The following CSMD1 variants were observed in gnomAD, a reference collection of about 807,000 sequenced individuals.
CSMD1 encodes the protein CUB and sushi domain-containing protein 1.
In CSMD1, 213 loss-of-function variants were observed where a neutral mutation model predicts 417.5. The ratio of observed to expected loss-of-function variants is 0.51; its 90% CI spans 0.46 to 0.57. CSMD1 has a LOEUF of 0.57. Among genes scored for constraint, CSMD1 ranks in the 20% least tolerant of loss-of-function variants. CSMD1 has a pLI of 0.00. For missense variants in CSMD1, 6,923 were observed against 4,529.7 expected (o/e 1.53, Z -15.17); for synonymous variants, 2,862 against 1,736.8 (o/e 1.65, Z -16.11).
intron 10 of CSMD1, among the ~76,000 whole-genome samples, chr8:3,525,464 A>G (rs772906540): frequency 2.6e-5 from 4 of 152,206 alleles, no homozygotes; most frequent in Non-Finnish European, 4.4e-5. Flanking sequence ...TATAACTGAC[A>G]GCAGGACATG....
At chr8:4,392,149 G>C (rs574976342) in intron 3 of CSMD1, among the ~76,000 whole-genome samples, 1 of 152,306 alleles carries the variant, frequency 6.6e-6, no homozygotes, top group South Asian at 2.1e-4. Flanking sequence ...GCTGACCACT[G>C]AAACTGTCAT....
intron 14 of CSMD1, among the ~76,000 whole-genome samples, chr8:3,407,306 G>T (rs1313141749): frequency 6.6e-6 from 1 of 151,968 alleles, no homozygotes; most frequent in Non-Finnish European, 1.5e-5. Flanking sequence ...ATGATAGACG[G>T]AATAATGGAT....
At chr8:4,709,131 C>A (rs570684023) in intron 1 of CSMD1, among the ~76,000 whole-genome samples, 1 of 152,344 alleles carries the variant, frequency 6.6e-6, no homozygotes, top group Non-Finnish European at 1.5e-5. Context: ...ACTCTAATCA[C>A]ATGGAAATTC....
At chr8:4,118,378 C>G (rs1411035905) in intron 3 of CSMD1, among the ~76,000 whole-genome samples, 1 of 148,660 alleles carries the variant, frequency 6.7e-6, no homozygotes, top group East Asian at 2.0e-4. Flanking sequence ...CATCCAGAAT[C>G]TACAAAGAAC....
At chr8:3,199,517 A>T (rs965556676) in intron 33 of CSMD1, among the ~76,000 whole-genome samples, 197 bp downstream of exon 33, 6 of 152,182 alleles carry the variant, frequency 3.9e-5, no homozygotes, top group African/African-American at 1.4e-4. Flanking sequence ...TTTGTAGTAG[A>T]AATATGAGTT....
intron 2 of CSMD1, among the ~76,000 whole-genome samples, chr8:4,435,234 C>T (rs1332840109): frequency 6.6e-6 from 1 of 151,944 alleles, no homozygotes; most frequent in Non-Finnish European, 1.5e-5. Context: ...AAAATTAAAC[C>T]TTGAAAAAAA....
intron 1 of CSMD1, among the ~76,000 whole-genome samples, chr8:4,745,598 GAGAGAGAGAGGGAGAAGTAGAATGT>G (rs749844471): frequency 4.7e-4 from 72 of 152,094 alleles, no homozygotes; most frequent in Non-Finnish European, 8.4e-4. Context: ...TAGAAATAAA[GAGAGAGAGAGGGAGAAGTAGAATGT>G]AGAGAGAGAG....
At chr8:4,344,048 T>C (rs1800636854) in intron 3 of CSMD1, among the ~76,000 whole-genome samples, 1 of 152,198 alleles carries the variant, frequency 6.6e-6, no homozygotes. Context: ...TAGGTGTGTG[T>C]ATGTGCGTGT....
intron 1 of CSMD1, among the ~76,000 whole-genome samples, chr8:4,978,830 C>T (rs1399254708): frequency 2.0e-5 from 3 of 151,884 alleles, no homozygotes; most frequent in Non-Finnish European, 4.4e-5. Context: ...CCCAGCTACT[C>T]GGGAGGTTGA....
intron 10 of CSMD1, among the ~76,000 whole-genome samples, chr8:3,556,264 C>T (rs1044121349): frequency 1.3e-5 from 2 of 150,892 alleles, no homozygotes; most frequent in South Asian, 4.2e-4. Context: ...ACCCATTAAC[C>T]ACCCTCACCT....
intron 3 of CSMD1, among the ~76,000 whole-genome samples, chr8:4,120,776 G>C (rs564306672): frequency 4.6e-5 from 7 of 152,160 alleles, no homozygotes; most frequent in African/African-American, 7.2e-5. Flanking sequence ...GTTAAAACAT[G>C]TCACTTTCCA....
At chr8:4,170,333 C>G (rs947509612) in intron 3 of CSMD1, among the ~76,000 whole-genome samples, 6 of 151,862 alleles carry the variant, frequency 4.0e-5, no homozygotes, top group African/African-American at 7.3e-5. Context: ...CAAATTCTGT[C>G]TCATTTCATG....
At chr8:4,208,327 T>G (rs932649260) in intron 3 of CSMD1, among the ~76,000 whole-genome samples, 1 of 152,094 alleles carries the variant, frequency 6.6e-6, no homozygotes, top group African/African-American at 2.4e-5. Context: ...TAAAAGCAAA[T>G]CAGGTCTTAT....
intron 30 of CSMD1, among the ~76,000 whole-genome samples, chr8:3,208,518 G>A (rs1432975426): frequency 6.6e-6 from 1 of 152,114 alleles, no homozygotes; most frequent in Non-Finnish European, 1.5e-5. Context: ...ACCTACCTCG[G>A]CCTCCCAAGG....
intron 3 of CSMD1, among the ~76,000 whole-genome samples, chr8:4,402,401 G>C (rs1001108428): frequency 6.6e-6 from 1 of 151,966 alleles, no homozygotes; most frequent in Non-Finnish European, 1.5e-5. Context: ...CTCTCCGCTA[G>C]CCTTATTACT....
chr8:3,696,566 T>A (rs568504718), intron 7 of CSMD1, among the ~76,000 whole-genome samples: 1 of 152,284 alleles, frequency 6.6e-6, no homozygotes, highest in East Asian at 1.9e-4. Context: ...TTAATCCAAT[T>A]AGTGTGGTAA....
chr8:3,883,613 C>T (rs954850708), intron 5 of CSMD1, among the ~76,000 whole-genome samples: 5 of 152,008 alleles, frequency 3.3e-5, no homozygotes, highest in Admixed American at 3.3e-4. Flanking sequence ...TATTTGATAT[C>T]AATTAATATC....
At chr8:4,060,934 A>T (rs770049991) in intron 3 of CSMD1, among the ~76,000 whole-genome samples, 3 of 152,218 alleles carry the variant, frequency 2.0e-5, no homozygotes, top group Non-Finnish European at 2.9e-5. Flanking sequence ...AGAAACCAAC[A>T]TAGAAGCTTC....
chr8:4,265,076 A>G (rs1445871594), intron 3 of CSMD1, among the ~76,000 whole-genome samples: 1 of 152,178 alleles, frequency 6.6e-6, no homozygotes, highest in Non-Finnish European at 1.5e-5. Context: ...TGCTCCTTAT[A>G]TAGAATCATC....
Sources: gnomAD v4.1 joint callset for allele counts (sites outside exome capture counted in the v4.1 genomes callset) on GRCh38, gnomAD v4.1.1 for gene constraint, MANE v1.5 for transcripts, NCBI Gene and HGNC (gene_info 2026-07-23, HGNC 2026-07-21) for gene names.